PLCE1: variants seen among roughly 807,000 people sequenced by gnomAD.
PLCE1 encodes phospholipase C epsilon 1.
In PLCE1, 119 loss-of-function variants were observed where a neutral mutation model predicts 242.8. That is an observed-to-expected ratio of 0.49 (90% confidence interval 0.42 to 0.57). The LOEUF is 0.57. Among genes scored for constraint, PLCE1 ranks in the 20% least tolerant of loss-of-function variants. PLCE1 has a pLI of 0.00. For missense variants in PLCE1, 2,441 were observed against 2,788.8 expected (o/e 0.88, Z 2.81); for synonymous variants, 945 against 1,017.4 (o/e 0.93, Z 1.35).
intron 29 of PLCE1, among the ~76,000 whole-genome samples, chr10:94,318,991 T>C (rs2053675856): frequency 6.6e-6 from 1 of 152,126 alleles, no homozygotes; most frequent in Non-Finnish European, 1.5e-5. Flanking sequence ...GAGGTTGCAG[T>C]GAGCCAAGAT....
chr10:94,063,895 G>A (rs2044128982), intron 2 of PLCE1, among the ~76,000 whole-genome samples: 1 of 152,082 alleles, frequency 6.6e-6, no homozygotes, highest in African/African-American at 2.4e-5. Flanking sequence ...AGAGTAAAGA[G>A]TTTTTCAGGC....
intron 2 of PLCE1, among the ~76,000 whole-genome samples, chr10:94,046,668 A>G (rs894030326): frequency 6.6e-6 from 1 of 152,212 alleles, no homozygotes; most frequent in Non-Finnish European, 1.5e-5. Flanking sequence ...TGATCAAATT[A>G]TAACAGCTAA....
At chr10:94,275,768 C>G (rs1313296482) in intron 19 of PLCE1, among the ~76,000 whole-genome samples, 1 of 151,408 alleles carries the variant, frequency 6.6e-6, no homozygotes, top group Non-Finnish European at 1.5e-5. Flanking sequence ...CCTGGGAGGC[C>G]AAGGCTGCAA....
chr10:94,001,676 A>G (rs1473156315), intron 1 of PLCE1, among the ~76,000 whole-genome samples: 1 of 152,260 alleles, frequency 6.6e-6, no homozygotes, highest in Non-Finnish European at 1.5e-5. Flanking sequence ...CTTAATTTGG[A>G]TATCACAGGA....
intron 2 of PLCE1, among the ~76,000 whole-genome samples, chr10:94,082,625 A>G (rs2044686046): frequency 2.0e-5 from 3 of 152,228 alleles, no homozygotes. Flanking sequence ...TGCCTGAGAC[A>G]TAGTAGGTGC....
intron 2 of PLCE1, among the ~76,000 whole-genome samples, chr10:94,113,884 G>A (rs1281373773): frequency 1.3e-5 from 2 of 152,132 alleles, no homozygotes; most frequent in Non-Finnish European, 2.9e-5. Flanking sequence ...CCTTGACCAT[G>A]CTAAGGAAAC....
chr10:94,131,259 G>C (rs571230661), intron 2 of PLCE1, among the ~76,000 whole-genome samples: 1 of 152,248 alleles, frequency 6.6e-6, no homozygotes, highest in South Asian at 2.1e-4. Flanking sequence ...TTCTCAGAAT[G>C]CTTGACAAAT....
intron 4 of PLCE1, 83 bp downstream of exon 4, chr10:94,171,579 G>C: frequency 1.9e-6 from 2 of 1,063,334 alleles, no homozygotes; most frequent in Non-Finnish European, 1.5e-6. Flanking sequence ...AGGTTTGTCT[G>C]TTCCTGATGT....
chr10:94,132,905 A>G (rs1487643678), intron 3 of PLCE1, among the ~76,000 whole-genome samples: 5 of 147,280 alleles, frequency 3.4e-5, no homozygotes, highest in South Asian at 2.2e-4. Context: ...AGCCGAGCTC[A>G]CGCCACTGCA....
intron 4 of PLCE1, among the ~76,000 whole-genome samples, chr10:94,184,002 G>A (rs1393471169): frequency 6.6e-6 from 1 of 152,096 alleles, no homozygotes; most frequent in Non-Finnish European, 1.5e-5. Context: ...TTTGAACAGG[G>A]CAAACATCCA....
intron 2 of PLCE1, among the ~76,000 whole-genome samples, chr10:94,072,636 A>C (rs1364568248): frequency 6.6e-6 from 1 of 152,182 alleles, no homozygotes; most frequent in Non-Finnish European, 1.5e-5. Context: ...GGAACTCTTC[A>C]GAATGTCTCT....
chr10:94,089,052 T>A (rs1263909598), intron 2 of PLCE1: 2 of 1,602,108 alleles, frequency 1.2e-6, no homozygotes, highest in Middle Eastern at 1.7e-4. Flanking sequence ...GATTTTTCAC[T>A]GTGATTTGAG....
At chr10:94,160,274 G>C (rs2047566511) in intron 3 of PLCE1, among the ~76,000 whole-genome samples, 1 of 152,110 alleles carries the variant, frequency 6.6e-6, no homozygotes, top group African/African-American at 2.4e-5. Context: ...ATCCTCTCCA[G>C]CACCTGTTGT....
At chr10:94,285,742 T>C (rs551570770) in intron 22 of PLCE1, among the ~76,000 whole-genome samples, 19 of 152,276 alleles carry the variant, frequency 1.2e-4, no homozygotes, top group African/African-American at 4.6e-4. Context: ...CTGGATCCCA[T>C]GTCACATTCT....
intron 4 of PLCE1, among the ~76,000 whole-genome samples, chr10:94,226,831 C>CTCTCTTTTTTTT (rs67656949): frequency 9.8e-6 from 1 of 101,818 alleles, no homozygotes; most frequent in African/African-American, 3.9e-5. Context: ...ACCTATAGGT[C>CTCTCTTTTTTTT]TTTTTTTTTT....
chr10:94,101,837 A>T (rs997015281), intron 2 of PLCE1, among the ~76,000 whole-genome samples: 1 of 152,154 alleles, frequency 6.6e-6, no homozygotes, highest in African/African-American at 2.4e-5. Flanking sequence ...AGCTGAGTGA[A>T]TGCCACCTGG....
chr10:94,173,479 G>T (rs1338550661), intron 4 of PLCE1, among the ~76,000 whole-genome samples: 1 of 151,896 alleles, frequency 6.6e-6, no homozygotes, highest in Non-Finnish European at 1.5e-5. Flanking sequence ...TGTATTTCAT[G>T]AATTATTTTA....
chr10:94,244,591 TA>T (rs1485823307), intron 7 of PLCE1, among the ~76,000 whole-genome samples: 1 of 152,210 alleles, frequency 6.6e-6, no homozygotes, highest in African/African-American at 2.4e-5. Context: ...TTTCTGTGTA[TA>T]CCTACACACA....
intron 1 of PLCE1, among the ~76,000 whole-genome samples, chr10:93,995,334 C>G (rs1474359804): frequency 1.3e-5 from 2 of 152,232 alleles, no homozygotes; most frequent in Non-Finnish European, 2.9e-5. Flanking sequence ...ACATCCACCA[C>G]TCTAAAGTCT....
Sources: gnomAD v4.1 joint callset for allele counts (sites outside exome capture counted in the v4.1 genomes callset) on GRCh38, gnomAD v4.1.1 for gene constraint, MANE v1.5 for transcripts, NCBI Gene and HGNC (gene_info 2026-07-23, HGNC 2026-07-21) for gene names.